The following CDH22 variants were observed in gnomAD, a reference collection of about 807,000 sequenced individuals.
CDH22 encodes cadherin 22.
A neutral mutation model predicts 58.4 loss-of-function variants in CDH22; 30 were observed. The observed-to-expected ratio is 0.51, with a 90% CI of 0.38 to 0.70. CDH22 has a LOEUF of 0.70. Among genes scored for constraint, CDH22 ranks in the 30% least tolerant of loss-of-function variants. The pLI is 0.00. For synonymous variants in CDH22, 513 were observed against 558.2 expected, an observed-to-expected ratio of 0.92 and a Z score of 1.14; for missense variants, 1,014 against 1,233.9, an observed-to-expected ratio of 0.82 and a Z score of 2.67.
At chr20:46,256,541 G>A (rs1044131499) in intron 1 of CDH22, among the ~76,000 whole-genome samples, 4 of 152,120 alleles carry the variant, frequency 2.6e-5, no homozygotes, top group African/African-American at 9.7e-5. Context: ...CGGGGGTCTC[G>A]TGTTGCTGAA....
intron 8 of CDH22, 67 bp downstream of exon 8, chr20:46,199,356 C>G: frequency 1.3e-6 from 2 of 1,553,336 alleles, no homozygotes; most frequent in Non-Finnish European, 1.7e-6. Context: ...AGCCCTTGGC[C>G]CCTCCCTTCA....
intron 1 of CDH22, among the ~76,000 whole-genome samples, chr20:46,262,444 C>T (rs996963172): frequency 6.6e-6 from 1 of 152,148 alleles, no homozygotes; most frequent in Admixed American, 6.5e-5. Flanking sequence ...TGCTGCCGCA[C>T]AGGTCTTCAT....
intron 3 of CDH22, among the ~76,000 whole-genome samples, chr20:46,238,584 C>A (rs1432360899): frequency 6.6e-6 from 1 of 152,216 alleles, no homozygotes; most frequent in Non-Finnish European, 1.5e-5. Flanking sequence ...TCCCCCAAAT[C>A]TGTTCCTTCA....
chr20:46,196,262 G>A lies in CDH22; in HGVS notation c.1423+3161C>T, dbSNP rs1221226269. ...CATGGAGATGGTGAAAAGGAAGAGTGGGTCAGTTATTTGTGGCAGCTTTTT... is the reference window on the plus strand; with the variant it reads ...CATGGAGATGGTGAAAAGGAAGAGTAGGTCAGTTATTTGTGGCAGCTTTTT... On this transcript the variant is annotated intron_variant, in intron 8 of 11. Transcript: ENST00000537909. Among the ~76,000 whole-genome samples the A allele has an allele frequency of 2.6e-5, 4 of 152,136 alleles. No homozygotes were observed. The East Asian group carries it at 7.7e-4, about 29-fold the overall frequency.
chr20:46,249,135 G>C (rs1263573025), intron 2 of CDH22, among the ~76,000 whole-genome samples: 2 of 152,180 alleles, frequency 1.3e-5, no homozygotes, highest in African/African-American at 4.8e-5. Flanking sequence ...ACTGAGTGTT[G>C]GGGCAGTAAA....
chr20:46,265,387 A>G lies in CDH22; in HGVS notation c.-399-13694T>C, dbSNP rs181219232. On this transcript the variant is annotated intron_variant, in intron 1 of 11. Coordinates refer to ENST00000537909, the MANE Select transcript of CDH22 (RefSeq NM_021248.3). ...CAGCCTTGATAATGAAAGCTGCACA[A>G]ATCATACATGCATAGTTTAACGAAA... Among the ~76,000 whole-genome samples the G allele has an allele frequency of 5.9e-5, 9 of 152,280 alleles. No individual in the cohort carries two copies. In the East Asian group the frequency reaches 1.7e-3, roughly 29 times the overall value.
intron 8 of CDH22, among the ~76,000 whole-genome samples, chr20:46,195,914 C>T (rs566938567): frequency 7.9e-5 from 12 of 152,260 alleles, no homozygotes; most frequent in East Asian, 3.9e-4. Context: ...CAAGCGCCGC[C>T]GCTGTGTATA....
chr20:46,188,568 C>T (rs978656235), intron 8 of CDH22, among the ~76,000 whole-genome samples: 4 of 152,174 alleles, frequency 2.6e-5, no homozygotes, highest in African/African-American at 7.2e-5. Flanking sequence ...TTAATATCTG[C>T]AGGGCATTTG....
intron 1 of CDH22, among the ~76,000 whole-genome samples, chr20:46,274,307 GTTTCCCT>G (rs386814528): frequency 0.021 from 3,156 of 152,280 alleles, 69 homozygotes; most frequent in African/African-American, 0.053. Context: ...TGCAGCCAGG[GTTTCCCT>G]GGCCTAGGTC....
chr20:46,288,927 T>C (rs1177497229), intron 1 of CDH22, among the ~76,000 whole-genome samples: 1 of 152,254 alleles, frequency 6.6e-6, no homozygotes, highest in African/African-American at 2.4e-5. Context: ...TTCTCAGTTA[T>C]GGTGTTAAAA....
chr20:46,230,045 C>A (rs1480057045), intron 3 of CDH22, among the ~76,000 whole-genome samples: 1 of 152,114 alleles, frequency 6.6e-6, no homozygotes, highest in Non-Finnish European at 1.5e-5. Flanking sequence ...GTCAGTGATT[C>A]ACCACTGGTT....
Position 46,214,551 on chromosome 20 carries a change from C to T in CDH22, c.839-1363G>A, listed in dbSNP as rs189848416. On this transcript the variant is annotated intron_variant, in intron 5 of 11. Coordinates refer to ENST00000537909, the MANE Select transcript of CDH22 (RefSeq NM_021248.3). ...TGCCCTACAAAACACTGCCTGGCCC[C>T]TTCTGGCTTCTCCAGCCTCATCCTC... is the stretch of plus-strand genomic sequence containing the variant. 3.5e-3 allele frequency among the ~76,000 whole-genome samples: 534 copies of T among 152,290 alleles called. 4 individuals carry two copies. The highest frequency in any genetic ancestry group is 0.012 in the African/African-American group (514 of 41,556).
At chr20:46,223,114 C>T (rs1174330328) in intron 4 of CDH22, among the ~76,000 whole-genome samples, 1 of 152,170 alleles carries the variant, frequency 6.6e-6, no homozygotes, top group Non-Finnish European at 1.5e-5. Context: ...GGAGCAGGGA[C>T]CCCATTTGAA....
chr20:46,245,825 C>T (rs919351978), intron 2 of CDH22, among the ~76,000 whole-genome samples: 2 of 152,170 alleles, frequency 1.3e-5, no homozygotes, highest in Non-Finnish European at 2.9e-5. Flanking sequence ...ATTGATGTCT[C>T]ATCTTGTGCA....
At chr20:46,249,156 C>T (rs1216336507) in intron 2 of CDH22, among the ~76,000 whole-genome samples, 1 of 152,166 alleles carries the variant, frequency 6.6e-6, no homozygotes, top group South Asian at 2.1e-4. Flanking sequence ...GTAACTTGTT[C>T]AAGGTCACTC....
intron 10 of CDH22, among the ~76,000 whole-genome samples, chr20:46,184,634 C>A (rs769032817): frequency 6.6e-6 from 1 of 152,230 alleles, no homozygotes; most frequent in African/African-American, 2.4e-5. Flanking sequence ...TTCCAGGACC[C>A]GGAGCAGACC....
chr20:46,256,351 C>T (rs775319450), intron 1 of CDH22, among the ~76,000 whole-genome samples: 3 of 152,174 alleles, frequency 2.0e-5, no homozygotes, highest in Non-Finnish European at 4.4e-5. Context: ...ATTACAAATA[C>T]TCATTTAAAC....
intron 1 of CDH22, among the ~76,000 whole-genome samples, chr20:46,285,534 C>T (rs2086572603): frequency 6.6e-6 from 1 of 152,154 alleles, no homozygotes; most frequent in South Asian, 2.1e-4. Context: ...GACACCTTCC[C>T]CCCAAACACC....
At chr20:46,307,321 G>A (rs1022266257) in intron 1 of CDH22, among the ~76,000 whole-genome samples, 6 of 152,252 alleles carry the variant, frequency 3.9e-5, no homozygotes, top group African/African-American at 1.4e-4. Flanking sequence ...GACGTTGCCA[G>A]AGAAGAGGCA....
Sources: gnomAD v4.1 joint callset for allele counts (sites outside exome capture counted in the v4.1 genomes callset) on GRCh38, gnomAD v4.1.1 for gene constraint, MANE v1.5 for transcripts, NCBI Gene and HGNC (gene_info 2026-07-23, HGNC 2026-07-21) for gene names.